The following KIF13A variants were observed in gnomAD, a reference collection of about 807,000 sequenced individuals.
The protein encoded by KIF13A is kinesin-like protein KIF13A.
A neutral mutation model predicts 212.2 loss-of-function variants in KIF13A; 79 were observed. The observed-to-expected ratio is 0.37, with a 90% CI of 0.31 to 0.45. KIF13A has a LOEUF of 0.45. Among genes scored for constraint, KIF13A ranks in the 20% least tolerant of loss-of-function variants. KIF13A has a pLI of 1.00. For synonymous variants in KIF13A, 789 were observed against 808.6 expected (o/e 0.98, Z 0.41); for missense variants, 1,901 against 2,209.0 (o/e 0.86, Z 2.79).
chr6:17,958,587 G>A (rs549436922), intron 2 of KIF13A, among the ~76,000 whole-genome samples: 112 of 152,286 alleles, frequency 7.4e-4, no homozygotes, highest in African/African-American at 2.6e-3. Flanking sequence ...GACACGCAAA[G>A]ACAATATGTA....
chr6:17,924,558 A>T (rs1488029301), intron 2 of KIF13A, among the ~76,000 whole-genome samples: 1 of 152,236 alleles, frequency 6.6e-6, no homozygotes, highest in African/African-American at 2.4e-5. Context: ...AATGTCTATA[A>T]GCAAAAAACA....
chr6:17,972,500 G>A (rs1273852886), intron 2 of KIF13A, among the ~76,000 whole-genome samples: 1 of 152,212 alleles, frequency 6.6e-6, no homozygotes, highest in Non-Finnish European at 1.5e-5. Flanking sequence ...CTGAGGACTT[G>A]TTTTATTAAA....
intron 2 of KIF13A, among the ~76,000 whole-genome samples, chr6:17,943,488 T>A (rs549530131): frequency 6.6e-6 from 1 of 151,288 alleles, no homozygotes; most frequent in African/African-American, 2.4e-5. Context: ...CCTCAGGTGA[T>A]CCACCTGCCT....
intron 2 of KIF13A, among the ~76,000 whole-genome samples, chr6:17,949,020 G>A (rs1019781619): frequency 6.6e-6 from 1 of 151,968 alleles, no homozygotes; most frequent in Non-Finnish European, 1.5e-5. Context: ...TATTCAATAT[G>A]AATACACATG....
intron 4 of KIF13A, among the ~76,000 whole-genome samples, chr6:17,861,120 A>G (rs1391805416): frequency 6.6e-6 from 1 of 152,220 alleles, no homozygotes; most frequent in Non-Finnish European, 1.5e-5. Flanking sequence ...CATATTTAGT[A>G]AAGTTTTATT....
At chr6:17,798,727 C>G (rs1000245909) in intron 22 of KIF13A, among the ~76,000 whole-genome samples, 19 of 152,176 alleles carry the variant, frequency 1.2e-4, no homozygotes, top group Non-Finnish European at 2.9e-5. Flanking sequence ...GAGATCCAAC[C>G]ACATTCACCA....
rs2016478 is a variant in KIF13A, at chr6:17,786,326, C to T, written c.3362-685G>A. 0.36 allele frequency among the ~76,000 whole-genome samples: 55,453 copies of T among 152,076 alleles called. 11,296 individuals are homozygous for T. Among genetic ancestry groups the T allele is most frequent in the East Asian group, 0.6 (3,108 of 5,164 alleles). ...ATTAAAAAACACCATAGGCCGGGCACGGTGGCTCACGGCTGTAACCCCAGC... is the reference window on the plus strand; with the variant it reads ...ATTAAAAAACACCATAGGCCGGGCATGGTGGCTCACGGCTGTAACCCCAGC... On this transcript the variant is annotated intron_variant, in intron 27 of 38. Coordinates refer to ENST00000259711, the MANE Select transcript of KIF13A (RefSeq NM_022113.6). This position sits in a 1 kb window ranked among gnomAD's most constrained non-coding sequence, Gnocchi z 5.4.
chr6:17,926,866 G>A lies in KIF13A; in HGVS notation c.147-28686C>T, dbSNP rs181778072. Among the ~76,000 whole-genome samples the A allele has an allele frequency of 5.7e-4, 87 of 152,174 alleles. No individual in the cohort carries two copies. Among genetic ancestry groups the A allele is most frequent in the African/African-American group, 1.8e-3 (74 of 41,534 alleles). Reference sequence around the variant, plus strand: ...AGAAGAGAAAGCAGGGACTGGGCGCGGTGGCTCATACCTGTAATCTCGGCA... The same window carrying A: ...AGAAGAGAAAGCAGGGACTGGGCGCAGTGGCTCATACCTGTAATCTCGGCA... On this transcript the variant is annotated intron_variant, in intron 2 of 38. Transcript: ENST00000259711. The surrounding 1 kb of genome is among the most constrained non-coding windows in gnomAD (Gnocchi z 4.3).
chr6:17,760,780 T>C (rs1375601651), downstream of KIF13A: 5 of 1,455,842 alleles, frequency 3.4e-6, no homozygotes, highest in African/African-American at 2.8e-5. Context: ...GTTTTAGAGA[T>C]GGGGCTGGTG....
chr6:17,813,680 C>T lies in KIF13A; in HGVS notation c.2000+3340G>A, dbSNP rs768766489. ...TTCTCCTCTTGGGAGTCACCTTCCC[C>T]GGGTGTGGCCTGTGTTCTGCATCTC... On this transcript the variant is annotated intron_variant, in intron 17 of 38. Coordinates refer to ENST00000259711, the MANE Select transcript of KIF13A (RefSeq NM_022113.6). Among the ~76,000 whole-genome samples the T allele has an allele frequency of 4.7e-4, 71 of 152,078 alleles. 1 individual carries two copies. Among genetic ancestry groups the T allele is most frequent in the Non-Finnish European group, 6.0e-4 (41 of 68,028 alleles).
Position 17,934,314 on chromosome 6 carries a change from G to A in KIF13A, c.147-36134C>T, listed in dbSNP as rs1776267750. On this transcript the variant is annotated intron_variant, in intron 2 of 38. Transcript: ENST00000259711. This position sits in a 1 kb window ranked among gnomAD's most constrained non-coding sequence, Gnocchi z 5.4. ...GTGCACTTGCAGGTAGGCAAGAAAAGAAACCTACACCAGTTGCTTAAGTGC... is the reference window on the plus strand; with the variant it reads ...GTGCACTTGCAGGTAGGCAAGAAAAAAAACCTACACCAGTTGCTTAAGTGC... 6.6e-6 allele frequency among the ~76,000 whole-genome samples: 1 copy of A among 152,176 alleles called. No individual in the cohort carries two copies.
At chr6:17,820,836 A>G (rs914004577) in intron 16 of KIF13A, among the ~76,000 whole-genome samples, 4 of 152,210 alleles carry the variant, frequency 2.6e-5, no homozygotes, top group African/African-American at 9.7e-5. Context: ...AAAAGAAAAA[A>G]TGGCGGTGGT....
At position 17,850,394 on chromosome 6, in the gene KIF13A, C is replaced by T. The variant is rs1038727795; in HGVS notation, c.646G>A (p.Glu216Lys). ...SRTVAATNMNEESSRSHAVFN... is the reference protein window; with the variant it reads ...SRTVAATNMNKESSRSHAVFN... The stretch of plus-strand genomic sequence containing the variant: ...ACAGCATGGGAGCGGCTGCTTTCTT[C>T]GTTCATGTTGGTAGCAGCTACCGTT... Residue 216 changes from glutamate (E) to lysine (K), a missense_variant, in exon 8 of 39, where the codon GAA becomes AAA. Glu to Lys is a moderately conservative substitution (Grantham distance 56, BLOSUM62 1). Coordinates refer to ENST00000259711, the MANE Select transcript of KIF13A (RefSeq NM_022113.6). The surrounding 1 kb of genome is among the most constrained non-coding windows in gnomAD (Gnocchi z 6.2). The T allele has an allele frequency of 5.6e-6, 9 of 1,613,732 alleles. No homozygotes were observed. In the East Asian group the frequency reaches 6.7e-5, roughly 12 times the overall value.
At chr6:17,808,699 A>G in intron 18 of KIF13A, 69 bp downstream of exon 18, 7 of 1,446,746 alleles carry the variant, frequency 4.8e-6, no homozygotes, top group South Asian at 1.4e-5. Flanking sequence ...CTGGGGTTTC[A>G]GTTTTAGATC....
chr6:17,939,183 T>A (rs1246055895), intron 2 of KIF13A, among the ~76,000 whole-genome samples: 1 of 152,198 alleles, frequency 6.6e-6, no homozygotes, highest in East Asian at 1.9e-4. Context: ...CTGCTACATA[T>A]TAACAACACT....
At chr6:17,956,017 C>T (rs1022830209) in intron 2 of KIF13A, among the ~76,000 whole-genome samples, 1 of 152,194 alleles carries the variant, frequency 6.6e-6, no homozygotes, top group African/African-American at 2.4e-5. Context: ...AGTCTATTAA[C>T]ATTGCTTTAA....
chr6:17,796,930 A>T, intron 22 of KIF13A, 110 bp from the exon 23 acceptor site: 6 of 568,694 alleles, frequency 1.1e-5, no homozygotes, highest in Non-Finnish European at 1.6e-5. Flanking sequence ...CCTGATCGTG[A>T]CCTTAAATCC....
At chr6:17,791,538 G>A (rs1761554789) in intron 25 of KIF13A, among the ~76,000 whole-genome samples, 1 of 152,022 alleles carries the variant, frequency 6.6e-6, no homozygotes, top group South Asian at 2.1e-4. Context: ...CTGGGGAAAG[G>A]CTAATATTTT....
intron 4 of KIF13A, 35 bp downstream of exon 4, chr6:17,873,342 A>G (rs1770190645): frequency 6.9e-7 from 1 of 1,449,946 alleles, no homozygotes; most frequent in South Asian, 1.2e-5. Flanking sequence ...AGAGGCCAGA[A>G]GCCCAACTGT....
Sources: allele counts gnomAD v4.1 joint callset (sites outside exome capture counted in the v4.1 genomes callset), GRCh38; gene constraint gnomAD v4.1.1; non-coding constraint Gnocchi (gnomAD v3.1); transcripts MANE v1.5; gene names NCBI Gene and HGNC (gene_info 2026-07-23, HGNC 2026-07-21).